Variants in NINJ2 observed in about 807,000 individuals in gnomAD.
NINJ2 encodes ninjurin-2.
Under a neutral mutation model 11.7 loss-of-function variants are expected in NINJ2, and 12 were observed. The ratio of observed to expected loss-of-function variants is 1.02; its 90% CI spans 0.66 to 1.66. NINJ2 has a LOEUF of 1.66. NINJ2 is among the 40% of genes most tolerant of loss of function. The probability of loss-of-function intolerance (pLI) is 0.00; values close to 1 mark genes in which losing one functional copy is unlikely to be tolerated. For synonymous variants in NINJ2, 93 were observed against 76.8 expected (o/e 1.21, Z -1.10); for missense variants, 187 against 181.8 (o/e 1.03, Z -0.16).
chr12:662,125 A>T (rs1473552803), intron 1 of NINJ2, among the ~76,000 whole-genome samples: 1 of 152,212 alleles, frequency 6.6e-6, no homozygotes, highest in East Asian at 1.9e-4. Context: ...GGGAAGTAAC[A>T]TTTGAGCTGA....
intron 1 of NINJ2, among the ~76,000 whole-genome samples, chr12:662,613 T>C (rs977232072): frequency 2.6e-5 from 4 of 152,196 alleles, no homozygotes; most frequent in Non-Finnish European, 5.9e-5. Flanking sequence ...GCAGTGGTCA[T>C]AGAAGGGTTC....
intron 1 of NINJ2, among the ~76,000 whole-genome samples, chr12:577,266 G>A (rs1311334266): frequency 2.0e-5 from 3 of 151,700 alleles, no homozygotes; most frequent in Non-Finnish European, 2.9e-5. Flanking sequence ...GCTGGTGTAA[G>A]TGGGCTGAGC....
chr12:583,541 G>A (rs1246625738), intron 1 of NINJ2, among the ~76,000 whole-genome samples: 2 of 152,238 alleles, frequency 1.3e-5, no homozygotes, highest in Admixed American at 1.3e-4. Flanking sequence ...TTCACTGTAA[G>A]GCAAAGTCCA....
chr12:584,338 C>T (rs931969466), intron 1 of NINJ2, among the ~76,000 whole-genome samples: 6 of 151,954 alleles, frequency 3.9e-5, no homozygotes, highest in Non-Finnish European at 7.4e-5. Context: ...CCAGAAGTTC[C>T]AGCCAGCCTG....
At chr12:660,844 C>A (rs140763676) in intron 1 of NINJ2, among the ~76,000 whole-genome samples, 2,915 of 152,114 alleles carry the variant, frequency 0.019, 89 homozygotes, top group African/African-American at 0.066. Context: ...GCCTATAATC[C>A]CAGCTACTTG....
intron 1 of NINJ2, among the ~76,000 whole-genome samples, chr12:574,467 G>C (rs1947424483): frequency 6.6e-6 from 1 of 152,156 alleles, no homozygotes; most frequent in African/African-American, 2.4e-5. Context: ...AACTTTAAGA[G>C]GCAATTGGGT....
chr12:611,698 C>T (rs1948035608), intron 1 of NINJ2, among the ~76,000 whole-genome samples: 2 of 152,256 alleles, frequency 1.3e-5, no homozygotes, highest in South Asian at 4.1e-4. Context: ...TTAGTCTAAA[C>T]TCCTCCTGGT....
chr12:568,971 G>A (rs1947340762), intron 1 of NINJ2, among the ~76,000 whole-genome samples: 1 of 151,184 alleles, frequency 6.6e-6, no homozygotes, highest in South Asian at 2.1e-4. Flanking sequence ...AAATCAGGCT[G>A]GGGCCCAGGG....
intron 1 of NINJ2, among the ~76,000 whole-genome samples, chr12:597,803 GGCAGTGCAGCCAACTCT>G (rs1350465929): frequency 6.6e-6 from 1 of 152,230 alleles, no homozygotes; most frequent in Non-Finnish European, 1.5e-5. Flanking sequence ...CCTGCACCTC[GGCAGTGCAGCCAACTCT>G]GCACTGAAGG....
chr12:663,207 GGAGT>G, intron 1 of NINJ2, 117 bp downstream of exon 1: 1 of 839,008 alleles, frequency 1.2e-6, no homozygotes, highest in Non-Finnish European at 1.9e-6. Context: ...TTTGGAGAAG[GGAGT>G]GAGTAAGAAG....
In NINJ2 at chr12:572,715, C is replaced by T. The variant is rs559429155; in HGVS notation, c.34-6537G>A. Among the ~76,000 whole-genome samples the T allele has an allele frequency of 7.9e-5, 12 of 152,242 alleles. No homozygotes were observed. In the South Asian group the frequency reaches 2.5e-3, roughly 32 times the overall value. ...CATGAGTCACCTTATGTAGTCCTCACAACAGTTCTGCGAAGTAGATGAGGG... is the reference window on the plus strand; with the variant it reads ...CATGAGTCACCTTATGTAGTCCTCATAACAGTTCTGCGAAGTAGATGAGGG... On this transcript the variant is annotated intron_variant, in intron 1 of 3. Coordinates refer to ENST00000305108, the MANE Select transcript of NINJ2 (RefSeq NM_016533.6).
intron 1 of NINJ2, chr12:644,044 G>T (rs1937634773): frequency 6.5e-6 from 1 of 154,836 alleles, no homozygotes; most frequent in South Asian, 2.0e-4. Context: ...GGCTCCCAGG[G>T]GGCCAGAGTT....
At chr12:657,458 G>T (rs543083063) in intron 1 of NINJ2, among the ~76,000 whole-genome samples, 2 of 152,206 alleles carry the variant, frequency 1.3e-5, no homozygotes, top group East Asian at 3.9e-4. Context: ...GCATGGTGGC[G>T]CATGCCTGTA....
chr12:604,080 C>T (rs879151751), intron 1 of NINJ2, among the ~76,000 whole-genome samples: 3 of 152,176 alleles, frequency 2.0e-5, no homozygotes, highest in Non-Finnish European at 4.4e-5. Flanking sequence ...TGTTGGGACG[C>T]GTGAGTCCTC....
chr12:566,170 G>A lies in NINJ2; in HGVS notation c.42C>T (p.Ser14=). 6.2e-7 allele frequency: 1 copy of A among 1,613,378 alleles called. No individual in the cohort carries two copies. The highest frequency in any genetic ancestry group is 8.5e-7 in the Non-Finnish European group (1 of 1,179,536). Residue 14 remains serine, a synonymous_variant, in exon 2 of 4, where the codon AGC becomes AGT. Coordinates refer to ENST00000305108, the MANE Select transcript of NINJ2 (RefSeq NM_016533.6). ...ARENIDLQPG[S]SDPRSQPINL... The stretch of plus-strand genomic sequence containing the variant: ...TGATGGGCTGGCTCCTGGGGTCGGA[G>A]CTTCCAGGCTGTAGGGGAGAAAGCA...
rs145677566 is a variant in NINJ2, at chr12:629,989, G to A, written c.33+33339C>T. Among the ~76,000 whole-genome samples the A allele has an allele frequency of 1.1e-3, 157 of 145,778 alleles. 2 individuals are homozygous for A. Among genetic ancestry groups the A allele is most frequent in the African/African-American group, 3.9e-3 (153 of 39,622 alleles). On this transcript the variant is annotated intron_variant, in intron 1 of 3. Transcript: ENST00000305108. ...TAGTGTTGCTGTATTTTATGTGTGG[G>A]GCAAGACAATTCTTCCAATGTGGCC...
chr12:595,640 T>C (rs1001846222), intron 1 of NINJ2, among the ~76,000 whole-genome samples: 1 of 152,082 alleles, frequency 6.6e-6, no homozygotes, highest in African/African-American at 2.4e-5. Context: ...GTAATCCCAG[T>C]TACTCGGGAG....
At chr12:661,491 G>C (rs1427781054) in intron 1 of NINJ2, among the ~76,000 whole-genome samples, 2 of 152,222 alleles carry the variant, frequency 1.3e-5, no homozygotes, top group Non-Finnish European at 2.9e-5. Context: ...CAAATGAAGA[G>C]AAAGGTACAC....
intron 1 of NINJ2, among the ~76,000 whole-genome samples, chr12:571,500 C>T (rs1325015184): frequency 9.9e-5 from 15 of 152,134 alleles, no homozygotes; most frequent in African/African-American, 3.4e-4. Context: ...TGGGCCTGCC[C>T]GGCACAGTCA....
Sources: allele counts gnomAD v4.1 joint callset (sites outside exome capture counted in the v4.1 genomes callset), GRCh38; gene constraint gnomAD v4.1.1; transcripts MANE v1.5; gene names NCBI Gene and HGNC (gene_info 2026-07-23, HGNC 2026-07-21).